Variants in FAR2 observed in about 807,000 individuals in gnomAD.
FAR2 encodes fatty acyl-CoA reductase 2.
FAR2 carries 19 observed loss-of-function variants against 56.0 expected under a neutral mutation model. The ratio of observed to expected loss-of-function variants is 0.34; its 90% CI spans 0.24 to 0.50. The LOEUF (loss-of-function observed/expected upper bound fraction) is 0.50, where lower values mean the gene tolerates loss of function less well. FAR2 is among the 20% of genes least tolerant of loss of function. The pLI, the probability that FAR2 is intolerant of heterozygous loss-of-function variation, is 0.98. For synonymous variants in FAR2, 219 were observed against 218.8 expected (o/e 1.00, Z -0.01); for missense variants, 508 against 642.2 (o/e 0.79, Z 2.26).
chr12:29,204,255 T>C (rs1947453548), intron 1 of FAR2, among the ~76,000 whole-genome samples: 1 of 152,034 alleles, frequency 6.6e-6, no homozygotes, highest in Admixed American at 6.6e-5. Context: ...GTACCTCCTC[T>C]AAACCAGGAC....
intron 1 of FAR2, among the ~76,000 whole-genome samples, chr12:29,175,695 A>G (rs4930858): frequency 0.74 from 112,472 of 152,144 alleles, 43,686 homozygotes; most frequent in East Asian, 0.91. Context: ...TCCTTTAGCT[A>G]GACACAGAGT....
At chr12:29,154,496 G>A (rs1428529131) in intron 1 of FAR2, among the ~76,000 whole-genome samples, 1 of 151,512 alleles carries the variant, frequency 6.6e-6, no homozygotes, top group African/African-American at 2.4e-5. Flanking sequence ...GTGCAGTGGT[G>A]TGATCTCAGC....
intron 1 of FAR2, among the ~76,000 whole-genome samples, chr12:29,216,638 C>T (rs907182026): frequency 6.6e-6 from 1 of 152,144 alleles, no homozygotes; most frequent in Non-Finnish European, 1.5e-5. Flanking sequence ...TAACAACCTG[C>T]AGCTAATAAG....
chr12:29,251,208 G>A (rs929445990), intron 1 of FAR2, among the ~76,000 whole-genome samples: 4 of 152,142 alleles, frequency 2.6e-5, no homozygotes, highest in African/African-American at 7.2e-5. Context: ...TAATCATGGC[G>A]CCACTGATCA....
intron 8 of FAR2, 50 bp downstream of exon 8, chr12:29,312,000 G>C: frequency 7.3e-7 from 1 of 1,374,942 alleles, no homozygotes; most frequent in Non-Finnish European, 1.0e-6. Context: ...CTGGCACAGA[G>C]AAAAAGTTGA....
intron 1 of FAR2, among the ~76,000 whole-genome samples, chr12:29,252,017 G>C (rs1173373729): frequency 2.6e-5 from 4 of 152,114 alleles, no homozygotes; most frequent in Admixed American, 1.3e-4. Flanking sequence ...GCCACAAAGA[G>C]ACCTAACAAT....
intron 1 of FAR2, among the ~76,000 whole-genome samples, chr12:29,252,682 G>A (rs1189883744): frequency 6.6e-6 from 1 of 152,166 alleles, no homozygotes; most frequent in Non-Finnish European, 1.5e-5. Context: ...TCTGGGGAAA[G>A]GGTTAGTGCG....
At chr12:29,229,184 C>A (rs976065711) in intron 1 of FAR2, among the ~76,000 whole-genome samples, 3 of 152,158 alleles carry the variant, frequency 2.0e-5, no homozygotes, top group African/African-American at 4.8e-5. Flanking sequence ...CCTTTTAATT[C>A]TTCTAAGGAT....
At chr12:29,306,603 CTA>C (rs1227511785) in intron 4 of FAR2, among the ~76,000 whole-genome samples, 5 of 152,120 alleles carry the variant, frequency 3.3e-5, no homozygotes, top group African/African-American at 1.2e-4. Context: ...TTTTAAAAAG[CTA>C]TGTTATATCA....
intron 2 of FAR2, among the ~76,000 whole-genome samples, chr12:29,274,932 G>A (rs939846666): frequency 6.6e-6 from 1 of 150,790 alleles, no homozygotes; most frequent in Admixed American, 6.6e-5. Flanking sequence ...CTGTTTGGTG[G>A]TCTCCTCAAA....
intron 1 of FAR2, among the ~76,000 whole-genome samples, chr12:29,211,373 C>T (rs572525976): frequency 6.6e-6 from 1 of 152,298 alleles, no homozygotes; most frequent in South Asian, 2.1e-4. Flanking sequence ...TCCTCCTAGC[C>T]TCTTTCTAAG....
chr12:29,205,015 C>CA (rs1947463001), intron 1 of FAR2, among the ~76,000 whole-genome samples: 1 of 152,168 alleles, frequency 6.6e-6, no homozygotes, highest in Non-Finnish European at 1.5e-5. Context: ...GCTCAGCTGC[C>CA]ATGTGCTCTT....
intron 1 of FAR2, among the ~76,000 whole-genome samples, chr12:29,251,560 T>A (rs950911592): frequency 6.6e-6 from 1 of 152,174 alleles, no homozygotes; most frequent in African/African-American, 2.4e-5. Flanking sequence ...ACCCCTAACC[T>A]GTACTGTGGT....
At chr12:29,277,460 G>C (rs1948719041) in intron 2 of FAR2, 1 of 152,150 alleles carries the variant, frequency 6.6e-6, no homozygotes, top group South Asian at 2.1e-4. Flanking sequence ...TTGTGCCTGG[G>C]GAACAGGGGC....
chr12:29,216,468 CAT>C (rs35166092), intron 1 of FAR2, among the ~76,000 whole-genome samples: 46,495 of 151,952 alleles, frequency 0.31, 7,981 homozygotes, highest in Non-Finnish European at 0.41. Context: ...TTATTGCTCT[CAT>C]GTGTACAGCA....
intron 1 of FAR2, among the ~76,000 whole-genome samples, chr12:29,254,660 GT>G (rs1171433505): frequency 6.6e-6 from 1 of 152,126 alleles, no homozygotes; most frequent in African/African-American, 2.4e-5. Context: ...CATTATAAAA[GT>G]TTACTCCAGG....
chr12:29,297,442 C>G (rs61266010), intron 4 of FAR2, among the ~76,000 whole-genome samples: 66 of 152,290 alleles, frequency 4.3e-4, no homozygotes, highest in African/African-American at 1.5e-3. Flanking sequence ...GCATGAGGTA[C>G]TTGGGAATAC....
chr12:29,186,999 A>G (rs530482981), intron 1 of FAR2, among the ~76,000 whole-genome samples: 392 of 152,192 alleles, frequency 2.6e-3, no homozygotes, highest in Non-Finnish European at 3.9e-3. Context: ...CGTGTTAGCC[A>G]GGATGGTCTC....
chr12:29,176,898 G>A (rs1027441313), intron 1 of FAR2, among the ~76,000 whole-genome samples: 1 of 152,190 alleles, frequency 6.6e-6, no homozygotes, highest in African/African-American at 2.4e-5. Context: ...AGAAGTGATG[G>A]CTTGGTTGTG....
Sources: gnomAD v4.1 joint callset for allele counts (sites outside exome capture counted in the v4.1 genomes callset) on GRCh38, gnomAD v4.1.1 for gene constraint, MANE v1.5 for transcripts, NCBI Gene and HGNC (gene_info 2026-07-23, HGNC 2026-07-21) for gene names.